The following L3MBTL4 variants were observed in gnomAD, a reference collection of about 807,000 sequenced individuals.
L3MBTL4 encodes the protein lethal(3)malignant brain tumor-like protein 4.
Under a neutral mutation model 84.5 loss-of-function variants are expected in L3MBTL4, and 70 were observed. That is an observed-to-expected ratio of 0.83 (90% CI 0.68 to 1.01). L3MBTL4 has a LOEUF of 1.01. L3MBTL4 is among the 50% of genes least tolerant of loss of function. L3MBTL4 has a pLI of 0.00. For synonymous variants in L3MBTL4, 274 were observed against 259.8 expected (o/e 1.05, Z -0.52); for missense variants, 715 against 754.8 (o/e 0.95, Z 0.62).
intron 14 of L3MBTL4, among the ~76,000 whole-genome samples, chr18:6,125,770 T>C (rs2144410805): frequency 6.6e-6 from 1 of 152,348 alleles, no homozygotes; most frequent in East Asian, 1.9e-4. Flanking sequence ...ATAAAAAGCA[T>C]ACCTGAATAA....
chr18:6,069,395 G>T (rs1461300432), intron 16 of L3MBTL4, among the ~76,000 whole-genome samples: 1 of 152,280 alleles, frequency 6.6e-6, no homozygotes, highest in East Asian at 1.9e-4. Context: ...AGTAGCAGTG[G>T]GATTTAAGCT....
At chr18:6,254,039 G>C (rs1348763300) in intron 5 of L3MBTL4, among the ~76,000 whole-genome samples, 1 of 152,142 alleles carries the variant, frequency 6.6e-6, no homozygotes, top group East Asian at 1.9e-4. Flanking sequence ...TTTAATAGTG[G>C]AGTCAGAGTG....
intron 16 of L3MBTL4, among the ~76,000 whole-genome samples, chr18:6,034,815 T>G (rs575870707): frequency 1.3e-5 from 2 of 149,980 alleles, no homozygotes; most frequent in East Asian, 3.9e-4. Context: ...ACCTGTTGTT[T>G]CCTGACTTTT....
intron 1 of L3MBTL4, among the ~76,000 whole-genome samples, chr18:6,386,595 G>A (rs2054828583): frequency 6.6e-6 from 1 of 152,182 alleles, no homozygotes; most frequent in Non-Finnish European, 1.5e-5. Flanking sequence ...ATGTCAGGGA[G>A]GCCTCTACCA....
chr18:6,127,399 A>G (rs947396073), intron 14 of L3MBTL4, among the ~76,000 whole-genome samples: 1 of 152,126 alleles, frequency 6.6e-6, no homozygotes, highest in African/African-American at 2.4e-5. Context: ...AAAATTGGAC[A>G]CCCCAGTTCT....
intron 4 of L3MBTL4, among the ~76,000 whole-genome samples, chr18:6,287,469 T>G (rs183915527): frequency 9.2e-5 from 14 of 152,320 alleles, no homozygotes; most frequent in Non-Finnish European, 1.9e-4. Flanking sequence ...CTAAATTCCC[T>G]TTTTCCAAAA....
chr18:6,293,916 CACA>C (rs1454061081), intron 4 of L3MBTL4, among the ~76,000 whole-genome samples: 1 of 152,132 alleles, frequency 6.6e-6, no homozygotes, highest in Admixed American at 6.6e-5. Flanking sequence ...ACGGGAGATA[CACA>C]ACAATTTAAT....
At chr18:6,036,119 A>G (rs1368388177) in intron 16 of L3MBTL4, among the ~76,000 whole-genome samples, 1 of 152,188 alleles carries the variant, frequency 6.6e-6, no homozygotes, top group Admixed American at 6.5e-5. Context: ...GCTGCTTTCA[A>G]CATTCTCTGT....
At chr18:6,403,955 A>G (rs982467837) in intron 1 of L3MBTL4, among the ~76,000 whole-genome samples, 25 of 152,220 alleles carry the variant, frequency 1.6e-4, no homozygotes, top group African/African-American at 6.0e-4. Flanking sequence ...TGCAACTTGG[A>G]TGTGGCTGGA....
intron 16 of L3MBTL4, among the ~76,000 whole-genome samples, chr18:6,014,477 G>GC (rs1460828040): frequency 6.6e-6 from 1 of 152,186 alleles, no homozygotes; most frequent in African/African-American, 2.4e-5. Flanking sequence ...AGCAAAGCGT[G>GC]CCCCATCCAG....
chr18:6,209,320 A>G (rs903805927), intron 12 of L3MBTL4, among the ~76,000 whole-genome samples: 5 of 152,062 alleles, frequency 3.3e-5, no homozygotes, highest in Admixed American at 3.3e-4. Context: ...TACTTCTACT[A>G]TTACAAACAC....
chr18:6,036,869 T>C (rs116261445), intron 16 of L3MBTL4, among the ~76,000 whole-genome samples: 2,396 of 152,316 alleles, frequency 0.016, 74 homozygotes, highest in African/African-American at 0.054. Flanking sequence ...CCTGGGCCTG[T>C]ACCTTTCCCG....
At chr18:6,269,440 G>A (rs1029006731) in intron 4 of L3MBTL4, among the ~76,000 whole-genome samples, 1 of 152,018 alleles carries the variant, frequency 6.6e-6, no homozygotes, top group Admixed American at 6.5e-5. Context: ...TTGGGTGACG[G>A]AGCGAGACTC....
chr18:6,041,744 A>G (rs1365458026), intron 16 of L3MBTL4, among the ~76,000 whole-genome samples: 1 of 151,822 alleles, frequency 6.6e-6, no homozygotes, highest in Non-Finnish European at 1.5e-5. Flanking sequence ...TATTTTTTTT[A>G]GATGGGGTCT....
chr18:6,213,146 T>A lies in L3MBTL4; in HGVS notation c.981+3A>T, dbSNP rs780315052. The A allele has an allele frequency of 6.6e-7, 1 of 1,513,752 alleles. No homozygotes were observed. The highest frequency in any genetic ancestry group is 9.0e-7 in the Non-Finnish European group (1 of 1,108,480). 93.8% of individuals were successfully genotyped at this position (1,513,752 alleles called of 1,614,324 possible). The stretch of plus-strand genomic sequence containing the variant: ...TAATAACATAATAATTTAAAATATG[T>A]ACCTTTACTCTTTGGTCATCAACAT... On this transcript the variant is annotated splice_donor_region_variant and intron_variant, in intron 12 of 18. Coordinates refer to ENST00000317931, the MANE Select transcript of L3MBTL4 (RefSeq NM_001330559.2).
chr18:6,401,988 T>C (rs1456836377), intron 1 of L3MBTL4, among the ~76,000 whole-genome samples: 1 of 152,232 alleles, frequency 6.6e-6, no homozygotes, highest in Non-Finnish European at 1.5e-5. Context: ...TTCAAGCTAG[T>C]ATTATACTTC....
intron 13 of L3MBTL4, among the ~76,000 whole-genome samples, chr18:6,164,176 G>C (rs2043517590): frequency 6.6e-6 from 1 of 152,206 alleles, no homozygotes; most frequent in African/African-American, 2.4e-5. Flanking sequence ...TAAACAAAGA[G>C]GCCAGGAAGC....
chr18:6,162,145 T>C (rs2043371747), intron 13 of L3MBTL4, among the ~76,000 whole-genome samples: 2 of 152,138 alleles, frequency 1.3e-5, no homozygotes, highest in African/African-American at 4.8e-5. Flanking sequence ...TCTTTTTTCA[T>C]ATAATATCAC....
chr18:6,143,285 G>A (rs2060250429), intron 13 of L3MBTL4, among the ~76,000 whole-genome samples: 1 of 152,186 alleles, frequency 6.6e-6, no homozygotes, highest in Non-Finnish European at 1.5e-5. Flanking sequence ...CCCAGGTAGA[G>A]CTGGAAGGAA....
Sources: gnomAD v4.1 joint callset for allele counts (sites outside exome capture counted in the v4.1 genomes callset) on GRCh38, gnomAD v4.1.1 for gene constraint, MANE v1.5 for transcripts, NCBI Gene and HGNC (gene_info 2026-07-23, HGNC 2026-07-21) for gene names.